The following PDE1C variants were observed in gnomAD, a reference collection of about 807,000 sequenced individuals.
The protein encoded by PDE1C is dual specificity calcium/calmodulin-dependent 3',5'-cyclic nucleotide phosphodiesterase 1C.
In PDE1C, 62 loss-of-function variants were observed where a neutral mutation model predicts 93.1. The observed-to-expected ratio is 0.67, with a 90% CI of 0.54 to 0.82. PDE1C has a LOEUF of 0.82. PDE1C is among the 40% of genes least tolerant of loss of function. PDE1C has a pLI of 0.00. For missense variants in PDE1C, 742 were observed against 884.6 expected (o/e 0.84, Z 2.04); for synonymous variants, 325 against 310.1 (o/e 1.05, Z -0.50).
intron 3 of PDE1C, among the ~76,000 whole-genome samples, chr7:32,116,036 G>C (rs999971595): frequency 6.6e-6 from 1 of 152,196 alleles, no homozygotes; most frequent in African/African-American, 2.4e-5. Flanking sequence ...ATACTACAAA[G>C]AGAAACAATG....
At chr7:32,045,363 G>A (rs1792405000) in intron 2 of PDE1C, among the ~76,000 whole-genome samples, 1 of 152,096 alleles carries the variant, frequency 6.6e-6, no homozygotes, top group African/African-American at 2.4e-5. Context: ...CCTGATTCAG[G>A]TGGCAATCTT....
chr7:31,860,358 C>T (rs1045256293), intron 7 of PDE1C, among the ~76,000 whole-genome samples: 1 of 152,122 alleles, frequency 6.6e-6, no homozygotes, highest in Non-Finnish European at 1.5e-5. Context: ...TGGCCCCAAA[C>T]GTCAATAGTG....
intron 1 of PDE1C, among the ~76,000 whole-genome samples, chr7:32,426,704 T>A (rs1785541549): frequency 6.6e-6 from 1 of 152,186 alleles, no homozygotes; most frequent in East Asian, 1.9e-4. Context: ...ATGGAAGAAA[T>A]AAACATGTTT....
chr7:31,728,841 G>T, the PDE1C span, among the ~76,000 whole-genome samples: 23 of 152,360 alleles, frequency 1.5e-4, no homozygotes, highest in African/African-American at 5.3e-4. Flanking sequence ...AGCAAAGAAA[G>T]AGAGTATGGA....
the PDE1C span, among the ~76,000 whole-genome samples, chr7:31,620,205 G>C: frequency 1.2e-3 from 178 of 152,256 alleles, 2 homozygotes; most frequent in African/African-American, 3.4e-3. Context: ...AAAGACAGCA[G>C]TAACCTCTTC....
chr7:31,964,461 G>T (rs1809565739), intron 2 of PDE1C, among the ~76,000 whole-genome samples: 1 of 152,232 alleles, frequency 6.6e-6, no homozygotes, highest in African/African-American at 2.4e-5. Context: ...CAGCTGGGAA[G>T]CTCAAACTGG....
chr7:32,414,975 G>C (rs1170602077), intron 1 of PDE1C, among the ~76,000 whole-genome samples: 3 of 152,096 alleles, frequency 2.0e-5, no homozygotes, highest in Non-Finnish European at 2.9e-5. Context: ...ATATTAAAAG[G>C]ACACATGGGA....
chr7:31,957,777 G>C (rs1208586632), intron 2 of PDE1C, among the ~76,000 whole-genome samples: 1 of 152,108 alleles, frequency 6.6e-6, no homozygotes, highest in Non-Finnish European at 1.5e-5. Context: ...GGGTGGAATG[G>C]GGTCGGGAGG....
At chr7:32,203,152 C>T (rs1326440138) in intron 2 of PDE1C, among the ~76,000 whole-genome samples, 1 of 151,998 alleles carries the variant, frequency 6.6e-6, no homozygotes, top group Non-Finnish European at 1.5e-5. Context: ...CCCCCGAGAA[C>T]ACTGAAAGCC....
At chr7:31,721,125 C>T in the PDE1C span, among the ~76,000 whole-genome samples, 1 of 152,124 alleles carries the variant, frequency 6.6e-6, no homozygotes, top group Admixed American at 6.5e-5. Flanking sequence ...GAGAACATTC[C>T]AGGGTCCATT....
chr7:31,818,993 G>A (rs551250751), intron 14 of PDE1C, among the ~76,000 whole-genome samples: 13 of 152,152 alleles, frequency 8.5e-5, no homozygotes, highest in African/African-American at 2.9e-4. Context: ...TGGTGGCGGG[G>A]GGTATATTTC....
chr7:32,213,045 T>C (rs572166528), intron 1 of PDE1C, among the ~76,000 whole-genome samples: 2 of 152,286 alleles, frequency 1.3e-5, no homozygotes, highest in South Asian at 4.1e-4. Flanking sequence ...CATTCTTTTG[T>C]ACAGTGACTA....
At chr7:31,658,349 A>G in the PDE1C span, 1 of 1,522,670 alleles carries the variant, frequency 6.6e-7, no homozygotes, top group Non-Finnish European at 8.7e-7. Context: ...GAAAAAATAA[A>G]ATCAAAAGAC....
intron 2 of PDE1C, among the ~76,000 whole-genome samples, chr7:32,170,332 C>A (rs964653464): frequency 6.6e-5 from 10 of 152,130 alleles, no homozygotes. Context: ...ATAAATTCAG[C>A]TTGCTGAAGC....
chr7:31,704,966 T>C, the PDE1C span, among the ~76,000 whole-genome samples: 16,093 of 152,260 alleles, frequency 0.11, 1,000 homozygotes, highest in East Asian at 0.24. Flanking sequence ...TAGATACTCC[T>C]GACTTAAGGC....
intron 1 of PDE1C, among the ~76,000 whole-genome samples, chr7:32,267,202 C>T (rs73089923): frequency 0.066 from 10,003 of 152,272 alleles, 758 homozygotes; most frequent in South Asian, 0.18. Context: ...GCAAGGAGAC[C>T]GGGTCAGAAA....
intron 3 of PDE1C, among the ~76,000 whole-genome samples, chr7:32,085,910 A>T (rs1043678654): frequency 1.3e-5 from 2 of 148,196 alleles, no homozygotes; most frequent in African/African-American, 5.0e-5. Flanking sequence ...CTGAATGGGC[A>T]AAAACTGGAA....
intron 3 of PDE1C, among the ~76,000 whole-genome samples, chr7:32,091,352 A>G (rs1454833577): frequency 6.6e-6 from 1 of 152,230 alleles, no homozygotes; most frequent in Non-Finnish European, 1.5e-5. Flanking sequence ...AGGTAACCAA[A>G]TAATGTGCTA....
At chr7:31,913,496 G>C (rs907954201) in intron 2 of PDE1C, among the ~76,000 whole-genome samples, 3 of 152,158 alleles carry the variant, frequency 2.0e-5, no homozygotes, top group African/African-American at 4.8e-5. Context: ...GGGTCAGAAA[G>C]ACAAAGCCAG....
Sources: gnomAD v4.1 joint callset for allele counts (sites outside exome capture counted in the v4.1 genomes callset) on GRCh38, gnomAD v4.1.1 for gene constraint, MANE v1.5 for transcripts, NCBI Gene and HGNC (gene_info 2026-07-23, HGNC 2026-07-21) for gene names.